The following KSR2 variants were observed in gnomAD, a reference collection of about 807,000 sequenced individuals.
KSR2 encodes kinase suppressor of ras 2.
A neutral mutation model predicts 107.8 loss-of-function variants in KSR2; 25 were observed. The ratio of observed to expected loss-of-function variants is 0.23; its 90% confidence interval spans 0.17 to 0.32. The LOEUF (loss-of-function observed/expected upper bound fraction) is 0.32. KSR2 is among the 10% of genes least tolerant of loss of function. The pLI, the probability that KSR2 is intolerant of heterozygous loss-of-function variation, is 1.00. For missense variants in KSR2, 887 were observed against 1,268.9 expected, an observed-to-expected ratio of 0.70 and a Z score of 4.57; for synonymous variants, 480 against 507.0, an observed-to-expected ratio of 0.95 and a Z score of 0.71.
intron 1 of KSR2, among the ~76,000 whole-genome samples, chr12:117,916,132 CTTCT>C (rs1254160634): frequency 8.0e-6 from 1 of 125,710 alleles, no homozygotes; most frequent in Non-Finnish European, 1.6e-5. Flanking sequence ...TTTATTTCTT[CTTCT>C]TTTTTTTTTT....
chr12:117,882,693 CCATCCATGCAAG>C, intron 1 of KSR2, among the ~76,000 whole-genome samples: 1 of 151,404 alleles, frequency 6.6e-6, no homozygotes, highest in East Asian at 2.0e-4. Flanking sequence ...ATCCATCCAA[CCATCCATGCAAG>C]CATCCATCCA....
chr12:117,637,002 C>T (rs1156474349), intron 5 of KSR2, among the ~76,000 whole-genome samples: 1 of 152,048 alleles, frequency 6.6e-6, no homozygotes, highest in Non-Finnish European at 1.5e-5. Flanking sequence ...ATGACAGAGA[C>T]ATTTCACAGG....
intron 3 of KSR2, among the ~76,000 whole-genome samples, chr12:117,809,765 AG>A (rs1321548352): frequency 2.6e-5 from 4 of 152,214 alleles, no homozygotes; most frequent in Admixed American, 6.5e-5. Context: ...CGCCCAGCCC[AG>A]CATCCAGCTC....
chr12:117,525,205 A>G lies in KSR2; in HGVS notation c.1866T>C (p.His622=), dbSNP rs752713114. ...VEPTSENEEV[H]DEAEESEDDF... is the part of the protein sequence containing the mutation. ...CATCCTCTGACTCTTCGGCCTCATCATGGACCTCTTCATTCTGTGGCCGGA... is the reference window on the plus strand; with the variant it reads ...CATCCTCTGACTCTTCGGCCTCATCGTGGACCTCTTCATTCTGTGGCCGGA... Residue 622 remains histidine (H), a synonymous_variant, in exon 14 of 20, where the codon CAT becomes CAC. Transcript: ENST00000339824. 2 of 1,603,496 alleles carry G rather than the reference A, an allele frequency of 1.2e-6. No homozygotes were observed. Among genetic ancestry groups the G allele is most frequent in the Non-Finnish European group, 1.7e-6 (2 of 1,172,590 alleles).
chr12:117,479,368 C>T lies in KSR2; in HGVS notation c.2451-2773G>A, dbSNP rs74576717. ...AGACTGGCATGCATGCAACAGAAAG[C>T]AATGTGGCCAGGCAGACACCATTAA... is the stretch of plus-strand genomic sequence containing the variant. On this transcript the variant is annotated intron_variant, in intron 16 of 19. Transcript: ENST00000339824. Among the ~76,000 whole-genome samples the T allele has an allele frequency of 7.0e-3, 1,067 of 152,324 alleles. 8 individuals are homozygous for T. The highest frequency in any genetic ancestry group is 0.024 in the African/African-American group (1,007 of 41,560).
chr12:117,771,975 CACACAT>C (rs1289338870), intron 3 of KSR2, among the ~76,000 whole-genome samples: 1 of 150,486 alleles, frequency 6.6e-6, no homozygotes, highest in Admixed American at 6.6e-5. Flanking sequence ...CACACACACT[CACACAT>C]ACACACATTC....
chr12:117,557,171 C>T (rs1486573696), intron 8 of KSR2, among the ~76,000 whole-genome samples: 3 of 152,080 alleles, frequency 2.0e-5, no homozygotes, highest in African/African-American at 7.2e-5. Flanking sequence ...TCTCAAAAAA[C>T]ATTGAATAAA....
chr12:117,573,654 A>C (rs543869625), intron 7 of KSR2, among the ~76,000 whole-genome samples: 10 of 149,684 alleles, frequency 6.7e-5, no homozygotes, highest in Non-Finnish European at 1.2e-4. Flanking sequence ...CAGCCTCCTG[A>C]GTAGCTGGGA....
At position 117,675,837 on chromosome 12, in the gene KSR2, C is replaced by T. The variant is rs963751421; in HGVS notation, c.987-8179G>A. On this transcript the variant is annotated intron_variant, in intron 4 of 19. Coordinates refer to ENST00000339824, the MANE Select transcript of KSR2 (RefSeq NM_173598.6). ...GGCAGGGCTGGGAACAGACAAGCTCCTCACAAGCCTGCTTTGAGGACAGGC... is the reference window on the plus strand; with the variant it reads ...GGCAGGGCTGGGAACAGACAAGCTCTTCACAAGCCTGCTTTGAGGACAGGC... 5.3e-5 allele frequency among the ~76,000 whole-genome samples: 8 copies of T among 152,350 alleles called. 1 individual carries two copies. The highest frequency in any genetic ancestry group is 1.7e-4 in the African/African-American group (7 of 41,588).
chr12:117,707,864 G>A (rs995352876), intron 4 of KSR2, among the ~76,000 whole-genome samples: 1 of 152,164 alleles, frequency 6.6e-6, no homozygotes, highest in African/African-American at 2.4e-5. Context: ...GCTCTCTAAG[G>A]CTTCCTGGAT....
intron 1 of KSR2, among the ~76,000 whole-genome samples, chr12:117,948,658 T>C (rs1566095349): frequency 6.6e-6 from 1 of 152,044 alleles, no homozygotes; most frequent in Non-Finnish European, 1.5e-5. Context: ...GAGAAAGAAA[T>C]CACCATTTCA....
chr12:117,603,176 T>C (rs1881050731), intron 5 of KSR2, among the ~76,000 whole-genome samples: 1 of 151,960 alleles, frequency 6.6e-6, no homozygotes, highest in Non-Finnish European at 1.5e-5. Context: ...TTTATGCAAA[T>C]AGAAATATGA....
At chr12:117,693,758 CCCAGGA>C in intron 4 of KSR2, among the ~76,000 whole-genome samples, 1 of 152,092 alleles carries the variant, frequency 6.6e-6, no homozygotes, top group East Asian at 1.9e-4. Context: ...CGCTCCCAAC[CCCAGGA>C]AGCGGGTCCT....
intron 4 of KSR2, among the ~76,000 whole-genome samples, chr12:117,690,564 C>CA (rs992706438): frequency 7.4e-5 from 11 of 149,612 alleles, no homozygotes; most frequent in East Asian, 2.0e-4. Flanking sequence ...GACTCTGTCT[C>CA]AAAAAAAAAG....
intron 10 of KSR2, 171 bp downstream of exon 10, chr12:117,539,548 T>G (rs538943844): frequency 7.1e-6 from 4 of 563,316 alleles, no homozygotes; most frequent in Non-Finnish European, 9.0e-6. Context: ...GGTAATTGCT[T>G]AGGGTACGAT....
intron 3 of KSR2, among the ~76,000 whole-genome samples, chr12:117,800,612 TGG>T (rs1890799111): frequency 2.0e-5 from 3 of 152,224 alleles, no homozygotes; most frequent in Non-Finnish European, 2.9e-5. Context: ...CTTTAAGTTC[TGG>T]GATACATGTG....
chr12:117,750,884 C>T (rs1014550466), intron 4 of KSR2, among the ~76,000 whole-genome samples: 1 of 152,164 alleles, frequency 6.6e-6, no homozygotes, highest in Non-Finnish European at 1.5e-5. Flanking sequence ...ATATGTACCA[C>T]ATTTTCTTTA....
chr12:117,689,605 G>A (rs1885733491), intron 4 of KSR2, among the ~76,000 whole-genome samples: 1 of 151,958 alleles, frequency 6.6e-6, no homozygotes, highest in Admixed American at 6.6e-5. Context: ...GGGGGGCATG[G>A]GTGGATGACC....
intron 7 of KSR2, among the ~76,000 whole-genome samples, chr12:117,570,218 G>A (rs1469364771): frequency 2.6e-5 from 4 of 152,118 alleles, no homozygotes; most frequent in Non-Finnish European, 4.4e-5. Context: ...TAGCCAGGAT[G>A]GTCTCAATCT....
Sources: gnomAD v4.1 joint callset for allele counts (sites outside exome capture counted in the v4.1 genomes callset) on GRCh38, gnomAD v4.1.1 for gene constraint, MANE v1.5 for transcripts, NCBI Gene and HGNC (gene_info 2026-07-23, HGNC 2026-07-21) for gene names.